The following SVOPL variants were observed in gnomAD, a reference collection of about 807,000 sequenced individuals.
SVOPL encodes putative transporter SVOPL.
A neutral mutation model predicts 61.0 loss-of-function variants in SVOPL; 60 were observed. That is an observed-to-expected ratio of 0.98 (90% CI 0.80 to 1.22). SVOPL has a LOEUF of 1.22. SVOPL is among the 50% of genes most tolerant of loss of function. The pLI is 0.00. For missense variants in SVOPL, 662 were observed against 643.9 expected, an observed-to-expected ratio of 1.03 and a Z score of -0.30; for synonymous variants, 279 against 250.0, an observed-to-expected ratio of 1.12 and a Z score of -1.09.
At chr7:138,639,048 C>A (rs1246735893) in intron 9 of SVOPL, among the ~76,000 whole-genome samples, 1 of 151,130 alleles carries the variant, frequency 6.6e-6, no homozygotes, top group Non-Finnish European at 1.5e-5. Flanking sequence ...AGGTCAGGAG[C>A]TCAAGACCAG....
intron 9 of SVOPL, among the ~76,000 whole-genome samples, chr7:138,641,851 T>C (rs1369778237): frequency 2.1e-5 from 3 of 143,580 alleles, no homozygotes; most frequent in African/African-American, 5.1e-5. Flanking sequence ...ATATATAACA[T>C]ATATATAGTC....
At position 138,657,153 on chromosome 7, in the gene SVOPL, TA is replaced by T; in HGVS notation, c.471-643del. Among the ~76,000 whole-genome samples the T allele has an allele frequency of 2.0e-5, 3 of 151,370 alleles. 1 individual carries two copies. Among genetic ancestry groups the T allele is most frequent in the African/African-American group, 7.3e-5 (3 of 41,260 alleles). On this transcript the variant is annotated intron_variant, in intron 6 of 15. Transcript: ENST00000674285. Reference sequence around the variant, plus strand: ...TTATTTGTTTATTTATTTATTTATTTATTTATTTATTTATTTATTTTAGAGA... The same window carrying T: ...TTATTTGTTTATTTATTTATTTATTTTTTATTTATTTATTTATTTTAGAGA...
intron 14 of SVOPL, 41 bp downstream of exon 14, chr7:138,621,005 C>G (rs1799539114): frequency 6.3e-7 from 1 of 1,588,196 alleles, no homozygotes; most frequent in Non-Finnish European, 8.6e-7. Context: ...CTTACCCCCT[C>G]TCTCAGACTC....
At chr7:138,634,041 G>A (rs1800345495) in intron 9 of SVOPL, among the ~76,000 whole-genome samples, 3 of 152,220 alleles carry the variant, frequency 2.0e-5, no homozygotes, top group African/African-American at 7.2e-5. Context: ...GCTGAGGTCA[G>A]AAGAGCCTTT....
intron 1 of SVOPL, chr7:138,689,288 A>G (rs1221269253): frequency 6.3e-7 from 1 of 1,590,150 alleles, no homozygotes; most frequent in East Asian, 2.2e-5. Flanking sequence ...GCAATGCAGA[A>G]CTTAAGGGTT....
chr7:138,671,148 A>C (rs1802405634), intron 4 of SVOPL, among the ~76,000 whole-genome samples: 1 of 152,102 alleles, frequency 6.6e-6, no homozygotes. Context: ...TATAGAATGC[A>C]ATTCATGCTC....
At chr7:138,666,378 T>TA (rs1451886956) in intron 4 of SVOPL, among the ~76,000 whole-genome samples, 1 of 152,240 alleles carries the variant, frequency 6.6e-6, no homozygotes, top group Non-Finnish European at 1.5e-5. Context: ...ATTACAAGTC[T>TA]AAGTAAAAAC....
intron 14 of SVOPL, chr7:138,597,151 T>C: frequency 7.8e-7 from 1 of 1,287,936 alleles, no homozygotes; most frequent in Non-Finnish European, 1.0e-6. Context: ...AGATACTCCA[T>C]CTCATACTTT....
rs146677243 is a variant in SVOPL at position 138,651,483 on chromosome 7, AT to A, written c.535-2347del. Among the ~76,000 whole-genome samples, 258 of 151,840 alleles carry A rather than the reference AT, an allele frequency of 1.7e-3. 1 individual carries two copies. Among genetic ancestry groups the A allele is most frequent in the African/African-American group, 5.6e-3 (230 of 41,430 alleles). The stretch of plus-strand genomic sequence containing the variant: ...TTTAGTGCACTTTGCAAATATTGCA[AT>A]TTTTTTTTAACAAATTGAAGGTTTG... On this transcript the variant is annotated intron_variant, in intron 7 of 15. Transcript: ENST00000674285.
At chr7:138,648,084 G>A (rs1351216420) in intron 8 of SVOPL, among the ~76,000 whole-genome samples, 2 of 152,136 alleles carry the variant, frequency 1.3e-5, no homozygotes, top group Non-Finnish European at 2.9e-5. Flanking sequence ...GCAAACTAAG[G>A]AAGATGATGA....
intron 14 of SVOPL, among the ~76,000 whole-genome samples, chr7:138,610,495 T>A (rs1351428341): frequency 6.6e-6 from 1 of 152,224 alleles, no homozygotes; most frequent in Admixed American, 6.5e-5. Context: ...AAGTTTCAAT[T>A]CTACTTTGTA....
intron 14 of SVOPL, among the ~76,000 whole-genome samples, chr7:138,615,086 C>T (rs1799230515): frequency 6.6e-6 from 1 of 152,118 alleles, no homozygotes; most frequent in Non-Finnish European, 1.5e-5. Flanking sequence ...TAGGTTCCAG[C>T]AGTGCACACG....
At chr7:138,642,055 A>G (rs1458841784) in intron 9 of SVOPL, among the ~76,000 whole-genome samples, 1 of 151,056 alleles carries the variant, frequency 6.6e-6, no homozygotes, top group African/African-American at 2.4e-5. Flanking sequence ...ATAAATTCCA[A>G]ATAACAACAT....
intron 3 of SVOPL, among the ~76,000 whole-genome samples, chr7:138,677,125 C>T (rs879523042): frequency 1.7e-4 from 26 of 152,098 alleles, no homozygotes; most frequent in Admixed American, 2.6e-4. Context: ...AGGATGGTCT[C>T]GATATCCTGA....
At chr7:138,632,109 T>A (rs1407780147) in intron 9 of SVOPL, among the ~76,000 whole-genome samples, 1 of 152,184 alleles carries the variant, frequency 6.6e-6, no homozygotes, top group Admixed American at 6.5e-5. Context: ...CAGGGTCTAC[T>A]GCCAGTAGCT....
chr7:138,682,632 G>T (rs1309471863), intron 1 of SVOPL, among the ~76,000 whole-genome samples: 1 of 152,062 alleles, frequency 6.6e-6, no homozygotes, highest in Non-Finnish European at 1.5e-5. Context: ...GACCTTGTTT[G>T]GATGTTCATT....
intron 14 of SVOPL, among the ~76,000 whole-genome samples, chr7:138,598,252 A>G (rs1584762560): frequency 6.6e-6 from 1 of 152,230 alleles, no homozygotes; most frequent in African/African-American, 2.4e-5. Context: ...GAGACATTAC[A>G]TGATGACACA....
At position 138,650,502 on chromosome 7, in the gene SVOPL, G is replaced by A. The variant is rs936166629; in HGVS notation, c.535-1365C>T. Among the ~76,000 whole-genome samples, 6 of 151,630 alleles carry A rather than the reference G, an allele frequency of 4.0e-5. No homozygotes were observed. The East Asian group carries it at 6.0e-4, about 15-fold the overall frequency. On this transcript the variant is annotated intron_variant, in intron 7 of 15. Transcript: ENST00000674285. ...ACCTAGGTCTGAAGGTTAAGGAGGC[G>A]CTCTAGGTTGTAGAGAAAGATTTTG...
chr7:138,675,037 TCTC>T (rs370301959), intron 3 of SVOPL, among the ~76,000 whole-genome samples: 1 of 152,194 alleles, frequency 6.6e-6, no homozygotes, highest in African/African-American at 2.4e-5. Context: ...AAGGAAATCT[TCTC>T]AATTGTACCA....
Sources: allele counts gnomAD v4.1 joint callset (sites outside exome capture counted in the v4.1 genomes callset), GRCh38; gene constraint gnomAD v4.1.1; transcripts MANE v1.5; gene names NCBI Gene and HGNC (gene_info 2026-07-23, HGNC 2026-07-21).